LAMA1: variants seen among roughly 807,000 people sequenced by gnomAD.
LAMA1 encodes laminin subunit alpha 1.
A neutral mutation model predicts 348.7 loss-of-function variants in LAMA1; 219 were observed. That is an observed-to-expected ratio of 0.63 (90% CI 0.56 to 0.70). LAMA1 has a LOEUF of 0.70. LAMA1 is among the 30% of genes least tolerant of loss of function. LAMA1 has a pLI of 0.00. For synonymous variants in LAMA1, 1,487 were observed against 1,491.0 expected (o/e 1.00, Z 0.06); for missense variants, 3,744 against 3,888.0 (o/e 0.96, Z 0.99).
intron 59 of LAMA1, 125 bp from the exon 60 acceptor site, chr18:6,948,681 A>G: frequency 9.2e-7 from 1 of 1,085,324 alleles, no homozygotes; most frequent in Non-Finnish European, 1.3e-6. Context: ...TTTTTGTTTT[A>G]AAACTTTAAT....
chr18:7,090,259 T>G (rs1387488474), intron 1 of LAMA1, among the ~76,000 whole-genome samples: 1 of 152,198 alleles, frequency 6.6e-6, no homozygotes, highest in Non-Finnish European at 1.5e-5. Flanking sequence ...GACTAAAAAA[T>G]CAAAGCTAAG....
chr18:7,086,631 C>T (rs1399156986), intron 1 of LAMA1, among the ~76,000 whole-genome samples: 1 of 152,098 alleles, frequency 6.6e-6, no homozygotes, highest in Non-Finnish European at 1.5e-5. Context: ...AAAACAAAAA[C>T]GGCCCTAGGA....
At chr18:6,965,618 A>T (rs1357186427) in intron 49 of LAMA1, 186 bp from the exon 50 acceptor site, 1 of 617,008 alleles carries the variant, frequency 1.6e-6, no homozygotes, top group Non-Finnish European at 2.9e-6. Flanking sequence ...CACTACACTA[A>T]TATAAATGAA....
intron 19 of LAMA1, among the ~76,000 whole-genome samples, chr18:7,017,820 A>C (rs1288296145): frequency 6.6e-6 from 1 of 152,204 alleles, no homozygotes; most frequent in Non-Finnish European, 1.5e-5. Context: ...TATATTTCAT[A>C]ATTTAATGAA....
intron 3 of LAMA1, among the ~76,000 whole-genome samples, chr18:7,077,134 C>T (rs551381375): frequency 1.1e-4 from 16 of 151,574 alleles, no homozygotes; most frequent in African/African-American, 3.9e-4. Context: ...AAAGCATATC[C>T]TAAAACACTA....
chr18:7,044,593 G>A, intron 7 of LAMA1, 129 bp downstream of exon 7: 3 of 823,402 alleles, frequency 3.6e-6, no homozygotes, highest in Non-Finnish European at 6.5e-6. Context: ...GTCATCTGCA[G>A]CTTTGGAAAC....
chr18:7,017,437 C>A, intron 19 of LAMA1, 53 bp from the exon 20 acceptor site: 2 of 1,281,050 alleles, frequency 1.6e-6, no homozygotes, highest in Non-Finnish European at 2.3e-6. Context: ...GGATGGTTAT[C>A]ATAAGATCCG....
At chr18:6,979,981 G>T (rs556356325) in intron 42 of LAMA1, among the ~76,000 whole-genome samples, 1 of 152,010 alleles carries the variant, frequency 6.6e-6, no homozygotes, top group African/African-American at 2.4e-5. Context: ...GACTTATTGC[G>T]GCCTGGCTTC....
intron 28 of LAMA1, 25 bp from the exon 29 acceptor site, chr18:7,007,301 A>C (rs2057836835): frequency 6.2e-7 from 1 of 1,608,546 alleles, no homozygotes; most frequent in Admixed American, 1.7e-5. Context: ...AAGGGAGGAC[A>C]AAAAAGTCTG....
At chr18:7,004,124 C>A (rs917109472) in intron 29 of LAMA1, among the ~76,000 whole-genome samples, 2 of 152,220 alleles carry the variant, frequency 1.3e-5, no homozygotes, top group African/African-American at 4.8e-5. Context: ...ACAAGCTGCC[C>A]CAAGAGTGGC....
chr18:7,030,636 A>G (rs542470254), intron 16 of LAMA1, among the ~76,000 whole-genome samples: 2 of 152,304 alleles, frequency 1.3e-5, no homozygotes, highest in African/African-American at 4.8e-5. Context: ...TAAGTCTAAA[A>G]TTATTTCCAA....
In LAMA1 at chr18:7,016,686, G is replaced by C. The variant is rs774753659; in HGVS notation, c.2809-15C>G. 5 of 1,606,154 alleles carry C rather than the reference G, an allele frequency of 3.1e-6. No homozygotes were observed. The highest frequency in any genetic ancestry group is 4.3e-6 in the Non-Finnish European group (5 of 1,176,350). On this transcript the variant is annotated splice_polypyrimidine_tract_variant and intron_variant, in intron 20 of 62. Coordinates refer to ENST00000389658, the MANE Select transcript of LAMA1 (RefSeq NM_005559.4). ...TAATAGCCATGCTGTTTCACCAAAG[G>C]GGGAGAAAGTGGAAACCAACATACG...
At chr18:6,981,730 A>G (rs1203619496) in intron 41 of LAMA1, among the ~76,000 whole-genome samples, 2 of 152,210 alleles carry the variant, frequency 1.3e-5, no homozygotes, top group Non-Finnish European at 2.9e-5. Context: ...ACAGCTGTGG[A>G]AGGATCCAGT....
In LAMA1 at chr18:6,977,709, AC is replaced by A. The variant is rs1319514779; in HGVS notation, c.6345+17del. Reference sequence around the variant, plus strand: ...GACTGAGAGCCCAGTTACGAAAGCCACGGGGCCCCAAACTCACAGAAGCTGC... The same window carrying A: ...GACTGAGAGCCCAGTTACGAAAGCCAGGGGCCCCAAACTCACAGAAGCTGC... On this transcript the variant is annotated intron_variant, in intron 44 of 62. Coordinates refer to ENST00000389658, the MANE Select transcript of LAMA1 (RefSeq NM_005559.4). 2 of 1,613,756 alleles carry A rather than the reference AC, an allele frequency of 1.2e-6. No homozygotes were observed. The highest frequency in any genetic ancestry group is 8.5e-7 in the Non-Finnish European group (1 of 1,179,878).
intron 19 of LAMA1, among the ~76,000 whole-genome samples, chr18:7,022,948 C>A (rs1299547535): frequency 6.6e-6 from 1 of 152,154 alleles, no homozygotes; most frequent in Non-Finnish European, 1.5e-5. Flanking sequence ...AGGCCACTGA[C>A]CCCTATGGGT....
intron 38 of LAMA1, 24 bp downstream of exon 38, chr18:6,985,503 T>C: frequency 6.2e-7 from 1 of 1,609,096 alleles, no homozygotes; most frequent in Non-Finnish European, 8.5e-7. Flanking sequence ...AACTGTACTG[T>C]GGCTGTGCTG....
At chr18:6,994,403 G>T (rs1290909726) in intron 34 of LAMA1, among the ~76,000 whole-genome samples, 2 of 152,182 alleles carry the variant, frequency 1.3e-5, no homozygotes, top group Non-Finnish European at 2.9e-5. Flanking sequence ...CAAGAATGTA[G>T]AGTAACCCAG....
At chr18:6,988,684 G>A (rs1600375401) in intron 36 of LAMA1, among the ~76,000 whole-genome samples, 1 of 151,788 alleles carries the variant, frequency 6.6e-6, no homozygotes, top group Non-Finnish European at 1.5e-5. Flanking sequence ...GTAGGTGCCC[G>A]TAATCCCAGC....
chr18:6,975,043 G>T lies in LAMA1; in HGVS notation c.6490-7C>A. The T allele has an allele frequency of 6.2e-7, 1 of 1,613,228 alleles. No homozygotes were observed. Among genetic ancestry groups the T allele is most frequent in the Non-Finnish European group, 8.5e-7 (1 of 1,179,590 alleles). ...CCACTGCAAGGAAATCAGACTGGGG[G>T]GCGAGGAATGAACGGGGATCAGTTT... On this transcript the variant is annotated splice_region_variant and splice_polypyrimidine_tract_variant and intron_variant, in intron 45 of 62. Coordinates refer to ENST00000389658, the MANE Select transcript of LAMA1 (RefSeq NM_005559.4).
Sources: gnomAD v4.1 joint callset for allele counts (sites outside exome capture counted in the v4.1 genomes callset) on GRCh38, gnomAD v4.1.1 for gene constraint, MANE v1.5 for transcripts, NCBI Gene and HGNC (gene_info 2026-07-23, HGNC 2026-07-21) for gene names.